Variants in SLC25A48 observed in about 807,000 individuals in gnomAD.
SLC25A48 encodes the protein CTC-321K16.1.
Under a neutral mutation model 32.2 loss-of-function variants are expected in SLC25A48, and 29 were observed. The ratio of observed to expected loss-of-function variants is 0.90; its 90% CI spans 0.67 to 1.23. The LOEUF is 1.23. SLC25A48 is among the 50% of genes most tolerant of loss of function. The pLI is 0.00. For missense variants in SLC25A48, 399 were observed against 422.7 expected (o/e 0.94, Z 0.49); for synonymous variants, 164 against 172.3 (o/e 0.95, Z 0.38).
intron 3 of SLC25A48, among the ~76,000 whole-genome samples, chr5:135,755,277 T>C (rs1160812411): frequency 2.6e-5 from 4 of 152,276 alleles, no homozygotes; most frequent in Non-Finnish European, 5.9e-5. Context: ...ACACAGTGTT[T>C]ACACCTTGTG....
intron 3 of SLC25A48, among the ~76,000 whole-genome samples, chr5:135,784,187 C>T (rs1484161280): frequency 8.7e-6 from 1 of 115,494 alleles, no homozygotes; most frequent in African/African-American, 2.6e-5. Flanking sequence ...TTGCAATAAG[C>T]GTACACCCTA....
At chr5:135,738,957 C>G (rs1755440999) in intron 3 of SLC25A48, among the ~76,000 whole-genome samples, 1 of 152,162 alleles carries the variant, frequency 6.6e-6, no homozygotes, top group Admixed American at 6.5e-5. Context: ...TGGCACACGC[C>G]TGTAATCCTG....
At chr5:135,586,632 T>C (rs566321691) in intron 1 of SLC25A48, among the ~76,000 whole-genome samples, 3 of 152,238 alleles carry the variant, frequency 2.0e-5, no homozygotes, top group South Asian at 4.1e-4. Context: ...CGTGCTCTGA[T>C]AGGGAAGCAG....
At chr5:135,694,020 G>A (rs983561922) in intron 3 of SLC25A48, among the ~76,000 whole-genome samples, 1 of 152,152 alleles carries the variant, frequency 6.6e-6, no homozygotes, top group Non-Finnish European at 1.5e-5. Context: ...GCTGCGATGA[G>A]GGTGTGCCTG....
At chr5:135,751,951 A>G (rs191980459) in intron 3 of SLC25A48, among the ~76,000 whole-genome samples, 3 of 152,220 alleles carry the variant, frequency 2.0e-5, no homozygotes, top group African/African-American at 7.2e-5. Flanking sequence ...TATTGGAACA[A>G]TTGGATATCC....
chr5:135,728,091 T>A (rs559643404), intron 3 of SLC25A48, among the ~76,000 whole-genome samples: 97 of 152,134 alleles, frequency 6.4e-4, no homozygotes, highest in Middle Eastern at 3.4e-3. Flanking sequence ...ACCCCATCTC[T>A]ACTAAAATAC....
At position 135,824,208 on chromosome 5, in the gene SLC25A48, G is replaced by T. The variant is rs189333603; in HGVS notation, c.-117+11282G>T. 4.6e-5 allele frequency among the ~76,000 whole-genome samples: 7 copies of T among 152,272 alleles called. No individual in the cohort carries two copies. The East Asian group carries it at 1.4e-3, about 29-fold the overall frequency. ...ACAAGTTTGGTGTGACTTAGGAATG[G>T]CAAGAAGCCCTGAGTGCTTGAGCAA... On this transcript the variant is annotated intron_variant, in intron 4 of 10. Transcript: ENST00000646290.
chr5:135,808,466 C>T (rs893996671), intron 3 of SLC25A48, among the ~76,000 whole-genome samples: 1 of 152,126 alleles, frequency 6.6e-6, no homozygotes, highest in Non-Finnish European at 1.5e-5. Context: ...CACCTCCCCC[C>T]TCACTTCCCT....
intron 4 of SLC25A48, among the ~76,000 whole-genome samples, chr5:135,813,963 A>G (rs977728692): frequency 6.6e-6 from 1 of 152,178 alleles, no homozygotes; most frequent in African/African-American, 2.4e-5. Context: ...AGAAAAGCAC[A>G]TAGGTGACAC....
intron 3 of SLC25A48, among the ~76,000 whole-genome samples, chr5:135,699,449 T>C (rs1471155684): frequency 6.7e-6 from 1 of 149,414 alleles, no homozygotes; most frequent in African/African-American, 2.5e-5. Flanking sequence ...AAGAGATACA[T>C]GACATGATTC....
chr5:135,622,594 A>AT (rs952447548), intron 1 of SLC25A48, among the ~76,000 whole-genome samples: 1 of 152,288 alleles, frequency 6.6e-6, no homozygotes, highest in South Asian at 2.1e-4. Context: ...AGCATGATTC[A>AT]TTTTTTTAAT....
rs73789295 is a variant in SLC25A48 at position 135,622,274 on chromosome 5, C to A, written c.-848-6963C>A. 3.3e-3 allele frequency among the ~76,000 whole-genome samples: 502 copies of A among 152,256 alleles called. 4 individuals carry two copies. The highest frequency in any genetic ancestry group is 0.012 in the African/African-American group (483 of 41,544). On this transcript the variant is annotated intron_variant, in intron 1 of 10. Transcript: ENST00000646290. Reference sequence around the variant, plus strand: ...TTTCTGAAATGCTTATATCAAGAGCCTGAAAAATATTTATACTTATGGACC... The same window carrying A: ...TTTCTGAAATGCTTATATCAAGAGCATGAAAAATATTTATACTTATGGACC...
At chr5:135,679,396 A>G (rs1753841475) in intron 3 of SLC25A48, among the ~76,000 whole-genome samples, 1 of 152,140 alleles carries the variant, frequency 6.6e-6, no homozygotes, top group African/African-American at 2.4e-5. Flanking sequence ...CCCAGGTGGT[A>G]GGGTGATCCC....
intron 3 of SLC25A48, among the ~76,000 whole-genome samples, chr5:135,733,864 C>A (rs1411944235): frequency 1.3e-5 from 2 of 151,842 alleles, no homozygotes; most frequent in Non-Finnish European, 2.9e-5. Flanking sequence ...TTATCTAGGA[C>A]AGAATGGGTT....
intron 3 of SLC25A48, among the ~76,000 whole-genome samples, chr5:135,678,230 T>C (rs1580777953): frequency 6.6e-6 from 1 of 152,298 alleles, no homozygotes; most frequent in East Asian, 1.9e-4. Context: ...TTTTTTTCTT[T>C]AGTTTTGCCT....
At chr5:135,770,246 A>G (rs1390735517) in intron 3 of SLC25A48, among the ~76,000 whole-genome samples, 1 of 150,992 alleles carries the variant, frequency 6.6e-6, no homozygotes, top group Non-Finnish European at 1.5e-5. Context: ...TAAGAGGAGG[A>G]GAGGATGATA....
chr5:135,685,719 C>T (rs1055570569), intron 3 of SLC25A48, among the ~76,000 whole-genome samples: 2 of 152,220 alleles, frequency 1.3e-5, no homozygotes, highest in Non-Finnish European at 2.9e-5. Flanking sequence ...CCACCGCACC[C>T]AGCCTATGTA....
chr5:135,779,154 G>T (rs1756656059), intron 3 of SLC25A48, among the ~76,000 whole-genome samples: 1 of 151,832 alleles, frequency 6.6e-6, no homozygotes, highest in South Asian at 2.1e-4. Flanking sequence ...CACCCCCTCT[G>T]TGATATTGTT....
intron 3 of SLC25A48, among the ~76,000 whole-genome samples, chr5:135,683,685 G>A (rs76331028): frequency 0.047 from 7,127 of 152,216 alleles, 252 homozygotes; most frequent in African/African-American, 0.099. Context: ...TCCCACCATC[G>A]TCAAACTGCC....
Sources: gnomAD v4.1 joint callset for allele counts (sites outside exome capture counted in the v4.1 genomes callset) on GRCh38, gnomAD v4.1.1 for gene constraint, MANE v1.5 for transcripts, NCBI Gene and HGNC (gene_info 2026-07-23, HGNC 2026-07-21) for gene names.